Variants in SLC5A4 observed in about 807,000 individuals in gnomAD.
SLC5A4 encodes solute carrier family 5 member 4, also known as probable glucose sensor protein SLC5A4.
Under a neutral mutation model 70.3 loss-of-function variants are expected in SLC5A4, and 55 were observed. The observed-to-expected ratio is 0.78, with a 90% CI of 0.63 to 0.98. SLC5A4 has a LOEUF of 0.98. Among genes scored for constraint, SLC5A4 ranks in the 50% least tolerant of loss-of-function variants. The pLI, the probability that SLC5A4 is intolerant of heterozygous loss-of-function variation, is 0.00. For synonymous variants in SLC5A4, 268 were observed against 305.7 expected (o/e 0.88, Z 1.29); for missense variants, 735 against 839.2 (o/e 0.88, Z 1.53).
upstream of SLC5A4, among the ~76,000 whole-genome samples, chr22:32,259,542 G>GA (rs1296755134): frequency 1.3e-5 from 2 of 152,086 alleles, no homozygotes; most frequent in Admixed American, 1.3e-4. Context: ...TGCATTCTGA[G>GA]AAAAAATTCC....
At chr22:32,264,520 ATGATTATGCCACTGCATTCTAGCAGCAG>A in the SLC5A4 span, among the ~76,000 whole-genome samples, 1 of 152,176 alleles carries the variant, frequency 6.6e-6, no homozygotes, top group East Asian at 1.9e-4. Context: ...ACAGTAAGCC[ATGATTATGCCACTGCATTCTAGCAGCAG>A]TGGGCGACAG....
At chr22:32,233,344 G>A (rs915022787) in intron 8 of SLC5A4, among the ~76,000 whole-genome samples, 2 of 152,214 alleles carry the variant, frequency 1.3e-5, no homozygotes, top group African/African-American at 4.8e-5. Context: ...AGGTCATTAA[G>A]TTAAGTGAAA....
At chr22:32,233,512 G>C (rs183316485) in intron 8 of SLC5A4, among the ~76,000 whole-genome samples, 1 of 152,212 alleles carries the variant, frequency 6.6e-6, no homozygotes, top group African/African-American at 2.4e-5. Flanking sequence ...AGAAATAACC[G>C]GAGTAGGGCA....
the SLC5A4 span, among the ~76,000 whole-genome samples, chr22:32,290,774 A>C: frequency 2.6e-5 from 4 of 152,254 alleles, no homozygotes; most frequent in South Asian, 4.1e-4. Context: ...TCTTCACATG[A>C]TAGAAGAGAT....
At chr22:32,263,305 C>T in the SLC5A4 span, among the ~76,000 whole-genome samples, 1 of 152,168 alleles carries the variant, frequency 6.6e-6, no homozygotes, top group African/African-American at 2.4e-5. Flanking sequence ...TGCCTCAATA[C>T]TGGTTTTATA....
chr22:32,344,000 A>G, the SLC5A4 span, among the ~76,000 whole-genome samples: 1 of 152,204 alleles, frequency 6.6e-6, no homozygotes, highest in Non-Finnish European at 1.5e-5. Flanking sequence ...AACATAAATA[A>G]TGAGACTGTA....
chr22:32,219,165 A>T (rs544013966), intron 14 of SLC5A4, among the ~76,000 whole-genome samples: 1 of 152,324 alleles, frequency 6.6e-6, no homozygotes, highest in East Asian at 1.9e-4. Context: ...AGTGGGAAAA[A>T]TACAGAAGTT....
the SLC5A4 span, among the ~76,000 whole-genome samples, chr22:32,314,817 G>A: frequency 6.6e-6 from 1 of 151,306 alleles, no homozygotes; most frequent in East Asian, 1.9e-4. Flanking sequence ...GGCAGGCAAA[G>A]GGACAGAGAG....
chr22:32,298,499 T>C, the SLC5A4 span, among the ~76,000 whole-genome samples: 27 of 97,000 alleles, frequency 2.8e-4, 4 homozygotes, highest in African/African-American at 4.6e-4. Flanking sequence ...TTGTTTTCCA[T>C]TGGCTTGGTA....
chr22:32,218,829 G>T, intron 14 of SLC5A4, 104 bp from the exon 15 acceptor site: 1 of 790,936 alleles, frequency 1.3e-6, no homozygotes, highest in Non-Finnish European at 2.0e-6. Context: ...ATTACAATCA[G>T]CTGGGAGTGT....
the SLC5A4 span, among the ~76,000 whole-genome samples, chr22:32,348,342 T>C: frequency 5.3e-5 from 8 of 152,238 alleles, no homozygotes; most frequent in South Asian, 1.7e-3. Flanking sequence ...AACTCTCCTG[T>C]GTGTATCCAT....
chr22:32,233,468 A>G (rs1043586292), intron 8 of SLC5A4, among the ~76,000 whole-genome samples: 2 of 152,180 alleles, frequency 1.3e-5, no homozygotes, highest in African/African-American at 4.8e-5. Context: ...GGAATAAACT[A>G]AGAAAGAAGA....
intron 3 of SLC5A4, among the ~76,000 whole-genome samples, chr22:32,251,175 A>AC (rs1279671429): frequency 6.9e-6 from 1 of 144,008 alleles, no homozygotes; most frequent in Non-Finnish European, 1.5e-5. Flanking sequence ...AAAAAAAAAA[A>AC]ACCAAAGAGG....
chr22:32,310,933 C>T, the SLC5A4 span, among the ~76,000 whole-genome samples: 49 of 152,244 alleles, frequency 3.2e-4, no homozygotes, highest in Admixed American at 1.3e-4. Flanking sequence ...CTCCTGCCTT[C>T]CCTCTGGGTC....
chr22:32,347,428 A>G, the SLC5A4 span, among the ~76,000 whole-genome samples: 117 of 152,236 alleles, frequency 7.7e-4, 2 homozygotes, highest in Admixed American at 7.0e-3. Flanking sequence ...TGGCACTATT[A>G]ACAATAGCAA....
intron 5 of SLC5A4, among the ~76,000 whole-genome samples, chr22:32,243,774 G>A (rs971555953): frequency 1.3e-5 from 2 of 152,162 alleles, no homozygotes; most frequent in East Asian, 1.9e-4. Flanking sequence ...ATCATTTGAG[G>A]TCAGGAGTTT....
chr22:32,315,753 C>T, the SLC5A4 span, among the ~76,000 whole-genome samples: 2 of 144,362 alleles, frequency 1.4e-5, no homozygotes, highest in Non-Finnish European at 3.0e-5. Context: ...CCAAATGCAT[C>T]TGCCATATCT....
the SLC5A4 span, among the ~76,000 whole-genome samples, chr22:32,309,310 G>A: frequency 4.6e-5 from 7 of 152,256 alleles, no homozygotes; most frequent in Middle Eastern, 6.8e-3. Context: ...TTACAAACGC[G>A]GTAGTTCTGC....
the SLC5A4 span, among the ~76,000 whole-genome samples, chr22:32,352,407 TAAAAAA>T: frequency 1.4e-5 from 2 of 138,162 alleles, no homozygotes; most frequent in African/African-American, 2.6e-5. Flanking sequence ...CCCCAGAAAT[TAAAAAA>T]AAAAAAAGTC....
Sources: allele counts gnomAD v4.1 joint callset (sites outside exome capture counted in the v4.1 genomes callset), GRCh38; gene constraint gnomAD v4.1.1; transcripts MANE v1.5; gene names NCBI Gene and HGNC (gene_info 2026-07-23, HGNC 2026-07-21).